Variants in TBC1D2 observed in about 807,000 individuals in gnomAD.
TBC1D2 encodes the protein TBC1 domain family member 2A.
In TBC1D2, 58 loss-of-function variants were observed where a neutral mutation model predicts 91.1. The ratio of observed to expected loss-of-function variants is 0.64; its 90% CI spans 0.52 to 0.79. TBC1D2 has a LOEUF of 0.79. TBC1D2 is among the 30% of genes least tolerant of loss of function. TBC1D2 has a pLI of 0.00. For missense variants in TBC1D2, 1,080 were observed against 1,208.3 expected (o/e 0.89, Z 1.57); for synonymous variants, 482 against 511.5 (o/e 0.94, Z 0.78).
chr9:98,220,668 C>G (rs1013674863), intron 6 of TBC1D2, among the ~76,000 whole-genome samples, 165 bp downstream of exon 6: 2 of 152,172 alleles, frequency 1.3e-5, no homozygotes, highest in Non-Finnish European at 2.9e-5. Context: ...AGTGAAGAAG[C>G]GTAGAGCAAT....
At chr9:98,215,630 G>A (rs1402951736) in intron 6 of TBC1D2, among the ~76,000 whole-genome samples, 1 of 152,042 alleles carries the variant, frequency 6.6e-6, no homozygotes, top group Admixed American at 6.5e-5. Flanking sequence ...ACCTCAGCCT[G>A]TCAAGTAGCT....
At chr9:98,224,931 C>G (rs2119103750) in intron 5 of TBC1D2, among the ~76,000 whole-genome samples, 1 of 152,284 alleles carries the variant, frequency 6.6e-6, no homozygotes, top group African/African-American at 2.4e-5. Flanking sequence ...TCAGAACTGC[C>G]TCTAGCATGA....
At chr9:98,226,527 T>C (rs184424946) in intron 5 of TBC1D2, among the ~76,000 whole-genome samples, 2 of 151,456 alleles carry the variant, frequency 1.3e-5, no homozygotes, top group East Asian at 3.9e-4. Flanking sequence ...GAGGCTTAGA[T>C]AGGTTAAGAA....
At chr9:98,243,390 T>C (rs188869052) in intron 3 of TBC1D2, among the ~76,000 whole-genome samples, 19 of 152,188 alleles carry the variant, frequency 1.2e-4, no homozygotes, top group Non-Finnish European at 2.8e-4. Context: ...ACTTTACTTA[T>C]AATCAAGTGA....
Position 98,206,156 on chromosome 9 carries a change from C to G in TBC1D2, c.2150+2512G>C, listed in dbSNP as rs536749252. Among the ~76,000 whole-genome samples the G allele has an allele frequency of 1.2e-4, 19 of 152,086 alleles. No homozygotes were observed. The East Asian group carries it at 3.5e-3, about 28-fold the overall frequency. On this transcript the variant is annotated intron_variant, in intron 9 of 12. Transcript: ENST00000465784. ...TATTTTTAGTAGAGACAAGGTTTCACCATGTTGGCCAGGATGGTCTCGATC... is the reference window on the plus strand; with the variant it reads ...TATTTTTAGTAGAGACAAGGTTTCAGCATGTTGGCCAGGATGGTCTCGATC...
chr9:98,235,486 C>T (rs1300886028), intron 3 of TBC1D2: 1 of 452,776 alleles, frequency 2.2e-6, no homozygotes, highest in Admixed American at 2.6e-5. Context: ...AAATGTGCTA[C>T]TATTCAATTT....
rs1185466191 is a variant in TBC1D2 at position 98,208,967 on chromosome 9, C to T, written c.1851G>A (p.Glu617=). ...CTCCTGCCCGCAGTAGCTGCTTGAGCTCGGCTGAGGGCACAAGATCGCCCA... is the reference window on the plus strand; with the variant it reads ...CTCCTGCCCGCAGTAGCTGCTTGAGTTCGGCTGAGGGCACAAGATCGCCCA... ...AALGDLVPSA[E]LKQLLRAGVP... The change falls in exon 9 of 13, where the codon GAG becomes GAA. Residue 617 remains glutamate, a synonymous_variant. Coordinates refer to ENST00000465784, the MANE Select transcript of TBC1D2 (RefSeq NM_001267571.2). 6.2e-7 allele frequency: 1 copy of T among 1,614,018 alleles called. No homozygotes were observed. Among genetic ancestry groups the T allele is most frequent in the Admixed American group, 1.7e-5 (1 of 60,000 alleles).
intron 9 of TBC1D2, among the ~76,000 whole-genome samples, chr9:98,205,898 A>C (rs551692382): frequency 1.2e-4 from 18 of 150,922 alleles, no homozygotes; most frequent in Non-Finnish European, 2.2e-4. Context: ...CTAGATGGCA[A>C]AGAAGACGTA....
At chr9:98,215,989 T>A (rs955930249) in intron 6 of TBC1D2, among the ~76,000 whole-genome samples, 9 of 152,158 alleles carry the variant, frequency 5.9e-5, no homozygotes, top group African/African-American at 1.9e-4. Flanking sequence ...TCAGACAGTA[T>A]AACAACACAT....
At chr9:98,226,890 A>ATGATGAGTCC (rs1399561697) in intron 5 of TBC1D2, among the ~76,000 whole-genome samples, 5 of 152,256 alleles carry the variant, frequency 3.3e-5, no homozygotes, top group Non-Finnish European at 7.3e-5. Context: ...TTATTGAAGA[A>ATGATGAGTCC]TGATGAGTCC....
chr9:98,247,025 T>TAAAA (rs35136067), intron 2 of TBC1D2, among the ~76,000 whole-genome samples: 2 of 130,990 alleles, frequency 1.5e-5, no homozygotes, highest in Non-Finnish European at 3.3e-5. Context: ...TGCAAATCAG[T>TAAAA]AAAAAAAAAA....
At position 98,220,916 on chromosome 9, in the gene TBC1D2, G is replaced by T. The variant is rs773430899; in HGVS notation, c.1291C>A (p.His431Asn). Reference sequence around the variant, plus strand: ...CGCAAAGGAGACTGGTCAGGGGGGTGCGTGAAGTCCTGGGTGACCTTCTCA... The same window carrying T: ...CGCAAAGGAGACTGGTCAGGGGGGTTCGTGAAGTCCTGGGTGACCTTCTCA... ...LSEKVTQDFT[H>N]PPDQSPLRPD... The change falls in exon 6 of 13, where the codon CAC (histidine) becomes AAC (asparagine). Residue 431 changes from histidine to asparagine, a missense_variant. Coordinates refer to ENST00000465784, the MANE Select transcript of TBC1D2 (RefSeq NM_001267571.2). The T allele has an allele frequency of 6.2e-7, 1 of 1,614,192 alleles. No individual in the cohort carries two copies. Among genetic ancestry groups the T allele is most frequent in the Non-Finnish European group, 8.5e-7 (1 of 1,180,030 alleles).
intron 2 of TBC1D2, 106 bp from the exon 3 acceptor site, chr9:98,244,235 T>TG: frequency 2.0e-6 from 3 of 1,483,260 alleles, no homozygotes; most frequent in Non-Finnish European, 2.7e-6. Context: ...AGGCTGGAGT[T>TG]GGAGAGTTGC....
chr9:98,209,035 G>T lies in TBC1D2; in HGVS notation c.1783C>A (p.Leu595Ile), dbSNP rs1474078503. ...CTCAGCGGCCGATCCACAGCCTCGAGGCCCAGCAGGTGGTGGGATCGTGAC... is the reference window on the plus strand; with the variant it reads ...CTCAGCGGCCGATCCACAGCCTCGATGCCCAGCAGGTGGTGGGATCGTGAC... The part of the protein sequence containing the change: ...LESRSHHLLG[L>I]EAVDRPLRER... Residue 595 changes from leucine to isoleucine, a missense_variant, in exon 9 of 13, where the codon CTC becomes ATC. By Grantham distance (5) the Leu-to-Ile change is conservative. Coordinates refer to ENST00000465784, the MANE Select transcript of TBC1D2 (RefSeq NM_001267571.2). 8 of 1,614,200 alleles carry T rather than the reference G, an allele frequency of 5.0e-6. No individual in the cohort carries two copies. The highest frequency in any genetic ancestry group is 6.8e-6 in the Non-Finnish European group (8 of 1,180,032).
chr9:98,255,315 C>T lies in TBC1D2; in HGVS notation c.227G>A (p.Cys76Tyr). ...SRWFFYDERK[C>Y]QLYYSRTAQD... is the part of the protein sequence containing the mutation. ...AGCGGTCCGCGAGTAATACAGCTGA[C>T]ATTTCCTTTCGTCGTAGAAGAACCA... The change falls in exon 1 of 13, where the codon TGT becomes TAT. Residue 76 changes from cysteine (C) to tyrosine (Y), a missense_variant. By Grantham distance (194) the Cys-to-Tyr change is radical (BLOSUM62 -2). Transcript: ENST00000465784. The T allele has an allele frequency of 1.2e-6, 2 of 1,614,260 alleles. No individual in the cohort carries two copies. The highest frequency in any genetic ancestry group is 1.7e-6 in the Non-Finnish European group (2 of 1,180,058).
At chr9:98,204,817 T>C (rs1183595137) in intron 9 of TBC1D2, among the ~76,000 whole-genome samples, 1 of 152,214 alleles carries the variant, frequency 6.6e-6, no homozygotes, top group African/African-American at 2.4e-5. Context: ...GGGACCTCCA[T>C]AGGTCACTGA....
chr9:98,200,479 G>T, intron 11 of TBC1D2, 105 bp from the exon 12 acceptor site: 1 of 1,199,304 alleles, frequency 8.3e-7, no homozygotes, highest in Non-Finnish European at 1.2e-6. Flanking sequence ...ACCCTGGACT[G>T]GCTGCGGAAG....
At chr9:98,244,152 T>G (rs1242552868) in intron 2 of TBC1D2, 23 bp from the exon 3 acceptor site, 4 of 1,611,788 alleles carry the variant, frequency 2.5e-6, no homozygotes. Flanking sequence ...AAAAGGGAAA[T>G]CCATCAGCTG....
chr9:98,210,896 A>AGAGGCATGAGGCCT (rs1554752088), intron 7 of TBC1D2, 53 bp from the exon 8 acceptor site: 2 of 1,437,172 alleles, frequency 1.4e-6, no homozygotes, highest in African/African-American at 2.9e-5. Context: ...GGGCCGCCCC[A>AGAGGCATGAGGCCT]GAGGCCTGAG....
Sources: gnomAD v4.1 joint callset for allele counts (sites outside exome capture counted in the v4.1 genomes callset) on GRCh38, gnomAD v4.1.1 for gene constraint, MANE v1.5 for transcripts, NCBI Gene and HGNC (gene_info 2026-07-23, HGNC 2026-07-21) for gene names.